MYO5C: variants seen among roughly 807,000 people sequenced by gnomAD.
MYO5C encodes unconventional myosin-Vc.
Under a neutral mutation model 235.7 loss-of-function variants are expected in MYO5C, and 194 were observed. The ratio of observed to expected loss-of-function variants is 0.82; its 90% CI spans 0.73 to 0.93. MYO5C has a LOEUF of 0.93. Ranked by LOEUF, MYO5C falls within the 40% of genes least tolerant of loss-of-function variation. The pLI is 0.00. For missense variants in MYO5C, 2,038 were observed against 2,127.2 expected (o/e 0.96, Z 0.82); for synonymous variants, 707 against 754.8 (o/e 0.94, Z 1.04).
chr15:52,235,776 AG>A lies in MYO5C; in HGVS notation c.2869-14del, dbSNP rs772359715. The A allele has an allele frequency of 6.3e-7, 1 of 1,593,430 alleles. No homozygotes were observed. The highest frequency in any genetic ancestry group is 8.6e-7 in the Non-Finnish European group (1 of 1,168,338). Reference sequence around the variant, plus strand: ...GCTTTGCCAATTTCTAGCAGAGGGAAGGGGGAAAAACAAACTTTTTTGAAAA... The same window carrying A: ...GCTTTGCCAATTTCTAGCAGAGGGAAGGGGAAAAACAAACTTTTTTGAAAA... On this transcript the variant is annotated splice_polypyrimidine_tract_variant and intron_variant, in intron 22 of 40. Coordinates refer to ENST00000261839, the MANE Select transcript of MYO5C (RefSeq NM_018728.4).
rs200246715 is a variant in MYO5C at position 52,270,651 on chromosome 15, C to CAT, written c.833-792_833-791insAT. Among the ~76,000 whole-genome samples, 884 of 150,066 alleles carry CAT rather than the reference C, an allele frequency of 5.9e-3. 3 individuals are homozygous for CAT. Among genetic ancestry groups the CAT allele is most frequent in the African/African-American group, 0.014 (566 of 40,866 alleles). On this transcript the variant is annotated intron_variant, in intron 7 of 40. Transcript: ENST00000261839. ...ATGTATGTGTATATATATATATACA[C>CAT]ACATTTATATATGTATATATATGTA... is the stretch of plus-strand genomic sequence containing the variant.
intron 38 of MYO5C, among the ~76,000 whole-genome samples, chr15:52,203,074 C>T (rs1325471088): frequency 6.6e-6 from 1 of 151,802 alleles, no homozygotes. Flanking sequence ...GTGTGCACCA[C>T]CAGGCCTGGC....
chr15:52,203,538 G>A (rs1225204701), intron 38 of MYO5C, among the ~76,000 whole-genome samples: 1 of 151,698 alleles, frequency 6.6e-6, no homozygotes, highest in African/African-American at 2.4e-5. Flanking sequence ...TAAAGACAGG[G>A]TTTTGCCATG....
chr15:52,207,776 C>T (rs1043650756), intron 36 of MYO5C, among the ~76,000 whole-genome samples: 4 of 152,058 alleles, frequency 2.6e-5, no homozygotes, highest in African/African-American at 7.2e-5. Context: ...AGACCTCCTA[C>T]AAATCAGTAA....
chr15:52,248,135 A>ATTTTGTTTTG, intron 14 of MYO5C, among the ~76,000 whole-genome samples: 1 of 152,048 alleles, frequency 6.6e-6, no homozygotes, highest in South Asian at 2.1e-4. Context: ...TGAATTTCAT[A>ATTTTGTTTTG]TTTTGTTTTG....
At chr15:52,286,937 T>C (rs1011560003) in intron 1 of MYO5C, among the ~76,000 whole-genome samples, 1 of 50,284 alleles carries the variant, frequency 2.0e-5, no homozygotes, top group Non-Finnish European at 4.3e-5. Flanking sequence ...GAATGATCAA[T>C]AAAAAAAAAA....
intron 25 of MYO5C, 29 bp downstream of exon 25, chr15:52,229,104 G>A: frequency 6.2e-7 from 1 of 1,612,356 alleles, no homozygotes; most frequent in African/African-American, 1.3e-5. Flanking sequence ...GTAACCAGAG[G>A]GCGGGGCTGA....
At chr15:52,202,460 G>C (rs2035210810) in intron 38 of MYO5C, among the ~76,000 whole-genome samples, 1 of 152,136 alleles carries the variant, frequency 6.6e-6, no homozygotes. Context: ...GTGTTCGCCT[G>C]TCCTCAAAGA....
At chr15:52,278,105 G>A (rs1210205027) in intron 4 of MYO5C, 1 of 366,164 alleles carries the variant, frequency 2.7e-6, no homozygotes, top group African/African-American at 2.1e-5. Flanking sequence ...GTATGTGAAA[G>A]TTCTTTTGCA....
At chr15:52,246,148 C>A in intron 16 of MYO5C, 106 bp from the exon 17 acceptor site, 1 of 802,652 alleles carries the variant, frequency 1.2e-6, no homozygotes, top group South Asian at 1.5e-5. Flanking sequence ...GCCAGGTACC[C>A]AGCAGATACT....
chr15:52,253,993 G>A (rs1313533588), intron 11 of MYO5C, among the ~76,000 whole-genome samples: 1 of 136,552 alleles, frequency 7.3e-6, no homozygotes, highest in African/African-American at 2.6e-5. Context: ...GTGAGGTGGG[G>A]TAGGGTGGGG....
chr15:52,265,688 G>A (rs1026224700), intron 8 of MYO5C, among the ~76,000 whole-genome samples: 30 of 151,880 alleles, frequency 2.0e-4, no homozygotes, highest in Non-Finnish European at 3.8e-4. Context: ...ATAAATGTGC[G>A]CCACCACGCC....
intron 1 of MYO5C, among the ~76,000 whole-genome samples, chr15:52,285,991 C>CT (rs2037257848): frequency 6.6e-6 from 1 of 152,056 alleles, no homozygotes; most frequent in African/African-American, 2.4e-5. Context: ...AAGTAAGGAG[C>CT]GTCTCTGCCC....
At chr15:52,292,361 T>C (rs1304894686) in intron 1 of MYO5C, among the ~76,000 whole-genome samples, 1 of 152,142 alleles carries the variant, frequency 6.6e-6, no homozygotes, top group East Asian at 1.9e-4. Flanking sequence ...ATAAAGGCGG[T>C]TGAACCAAGG....
chr15:52,246,058 G>T lies in MYO5C; in HGVS notation c.1980-16C>A. The T allele has an allele frequency of 6.2e-7, 1 of 1,607,588 alleles. No homozygotes were observed. The highest frequency in any genetic ancestry group is 1.1e-5 in the South Asian group (1 of 90,652). Reference sequence around the variant, plus strand: ...GGAGTCAAATCTTTAAAAAGACAATGATATTATGTGTTGAGGCATCGTAAT... The same window carrying T: ...GGAGTCAAATCTTTAAAAAGACAATTATATTATGTGTTGAGGCATCGTAAT... On this transcript the variant is annotated splice_polypyrimidine_tract_variant and intron_variant, in intron 16 of 40. Coordinates refer to ENST00000261839, the MANE Select transcript of MYO5C (RefSeq NM_018728.4).
At chr15:52,214,837 G>T in intron 32 of MYO5C, 147 bp from the exon 33 acceptor site, 1 of 520,760 alleles carries the variant, frequency 1.9e-6, no homozygotes. Flanking sequence ...TTTTAGTGTA[G>T]TCAGAGTTGT....
At chr15:52,266,214 C>CTTAAT (rs67140333) in intron 8 of MYO5C, among the ~76,000 whole-genome samples, 1 of 1,318 alleles carries the variant, frequency 7.6e-4, no homozygotes, top group Non-Finnish European at 0.029. Context: ...AGTAATCATC[C>CTTAAT]TTAGTGAGCC....
intron 38 of MYO5C, among the ~76,000 whole-genome samples, chr15:52,201,711 T>C (rs994558257): frequency 7.2e-5 from 11 of 152,130 alleles, no homozygotes; most frequent in Non-Finnish European, 1.2e-4. Context: ...TATAATATTG[T>C]ATGGTACAGT....
At chr15:52,273,554 G>T (rs2036972062) in intron 5 of MYO5C, among the ~76,000 whole-genome samples, 1 of 152,038 alleles carries the variant, frequency 6.6e-6, no homozygotes, top group Non-Finnish European at 1.5e-5. Flanking sequence ...TACATAATAG[G>T]GATCCCAGAG....
Sources: gnomAD v4.1 joint callset for allele counts (sites outside exome capture counted in the v4.1 genomes callset) on GRCh38, gnomAD v4.1.1 for gene constraint, MANE v1.5 for transcripts, NCBI Gene and HGNC (gene_info 2026-07-23, HGNC 2026-07-21) for gene names.